The following PDSS2 variants were observed in gnomAD, a reference collection of about 807,000 sequenced individuals.
PDSS2 encodes the protein all trans-polyprenyl-diphosphate synthase PDSS2.
In PDSS2, 31 loss-of-function variants were observed where a neutral mutation model predicts 44.5. The ratio of observed to expected loss-of-function variants is 0.70; its 90% confidence interval spans 0.52 to 0.94. The LOEUF (loss-of-function observed/expected upper bound fraction) is 0.94. Among genes scored for constraint, PDSS2 ranks in the 40% least tolerant of loss-of-function variants. The pLI is 0.00. For missense variants in PDSS2, 452 were observed against 482.2 expected (o/e 0.94, Z 0.59); for synonymous variants, 157 against 180.3 (o/e 0.87, Z 1.03).
chr6:107,398,566 G>A (rs1780016099), intron 1 of PDSS2, among the ~76,000 whole-genome samples: 1 of 152,164 alleles, frequency 6.6e-6, no homozygotes, highest in Admixed American at 6.5e-5. Flanking sequence ...AAAAGTTTGA[G>A]AACCTAGCAA....
chr6:107,198,461 T>C (rs1402691633), intron 6 of PDSS2, among the ~76,000 whole-genome samples: 1 of 152,336 alleles, frequency 6.6e-6, no homozygotes, highest in East Asian at 1.9e-4. Context: ...TATGAAATCA[T>C]TTTACTCTTG....
At chr6:107,282,628 G>A (rs1244245820) in intron 2 of PDSS2, among the ~76,000 whole-genome samples, 2 of 151,792 alleles carry the variant, frequency 1.3e-5, no homozygotes, top group Non-Finnish European at 2.9e-5. Flanking sequence ...CACTTTGGGA[G>A]GCCGAGGCGG....
At chr6:107,254,586 T>C (rs770288181) in intron 3 of PDSS2, among the ~76,000 whole-genome samples, 7 of 152,218 alleles carry the variant, frequency 4.6e-5, no homozygotes, top group Non-Finnish European at 8.8e-5. Context: ...TGAAGTCTGT[T>C]GTACTCAGGA....
rs1424226779 is a variant in PDSS2 at position 107,152,969 on chromosome 6, T to G, written c.*1650A>C. 1.1e-4 allele frequency: 17 copies of G among 152,304 alleles called. No individual in the cohort carries two copies. Among genetic ancestry groups the G allele is most frequent in the African/African-American group, 4.1e-4 (17 of 41,456 alleles). The allele number at this position is 152,304 out of a possible 1,614,324, so 9.4% of individuals were successfully genotyped here. ...TAAGCTAAATCTATAGGCCTCAAAT[T>G]ATGGTGGCATAAACTGTACAATTAT... On this transcript the variant is annotated 3_prime_UTR_variant, in exon 8 of 8. Coordinates refer to ENST00000369037, the MANE Select transcript of PDSS2 (RefSeq NM_020381.4).
intron 1 of PDSS2, among the ~76,000 whole-genome samples, chr6:107,368,937 T>C (rs1000837993): frequency 2.0e-5 from 3 of 152,174 alleles, no homozygotes; most frequent in African/African-American, 7.2e-5. Flanking sequence ...GCTACAGTAA[T>C]TGAAGTAGTG....
At chr6:107,400,532 G>A (rs1447120620) in intron 1 of PDSS2, among the ~76,000 whole-genome samples, 1 of 152,168 alleles carries the variant, frequency 6.6e-6, no homozygotes, top group Non-Finnish European at 1.5e-5. Flanking sequence ...GCAACCTGAG[G>A]ATGAACTGTT....
chr6:107,258,781 C>T (rs979607748), intron 3 of PDSS2, among the ~76,000 whole-genome samples: 1 of 151,458 alleles, frequency 6.6e-6, no homozygotes, highest in African/African-American at 2.4e-5. Flanking sequence ...CCAGCCTGGG[C>T]AACAGTGAGA....
intron 2 of PDSS2, among the ~76,000 whole-genome samples, chr6:107,286,136 T>TAAAAAAAAAAAAAAA (rs1554262539): frequency 1.6e-5 from 2 of 128,740 alleles, no homozygotes; most frequent in African/African-American, 6.2e-5. Flanking sequence ...CGTCGCAAAA[T>TAAAAAAAAAAAAAAA]AAAAAAAAAA....
chr6:107,223,692 CA>C (rs1401115697), intron 4 of PDSS2, among the ~76,000 whole-genome samples: 10 of 151,204 alleles, frequency 6.6e-5, no homozygotes, highest in Non-Finnish European at 7.4e-5. Context: ...CTAGCTTGGG[CA>C]GCAGAGTAAA....
chr6:107,318,724 G>A (rs1582935485), intron 2 of PDSS2, among the ~76,000 whole-genome samples: 2 of 152,080 alleles, frequency 1.3e-5, no homozygotes, highest in African/African-American at 2.4e-5. Flanking sequence ...GGTGGCTCAC[G>A]CCTGTAATTC....
chr6:107,386,011 C>T (rs1482323101), intron 1 of PDSS2, among the ~76,000 whole-genome samples: 1 of 152,092 alleles, frequency 6.6e-6, no homozygotes, highest in African/African-American at 2.4e-5. Flanking sequence ...ACTTCATTAA[C>T]TATGTTAAAT....
chr6:107,195,184 T>C (rs1156416683), intron 6 of PDSS2, among the ~76,000 whole-genome samples: 2 of 151,784 alleles, frequency 1.3e-5, no homozygotes, highest in East Asian at 1.9e-4. Flanking sequence ...AAAAAGTTTA[T>C]AATATTGGTC....
chr6:107,239,402 T>C (rs1415481476), intron 4 of PDSS2, among the ~76,000 whole-genome samples: 3 of 152,194 alleles, frequency 2.0e-5, no homozygotes, highest in Admixed American at 2.0e-4. Context: ...TAAAATTATA[T>C]TTTTGAAGAC....
intron 1 of PDSS2, among the ~76,000 whole-genome samples, chr6:107,405,567 G>C (rs2058539848): frequency 6.6e-6 from 1 of 152,062 alleles, no homozygotes; most frequent in Admixed American, 6.6e-5. Context: ...AGATACAGAG[G>C]CCGGGCGCGG....
At chr6:107,360,124 A>G (rs1778723121) in intron 1 of PDSS2, among the ~76,000 whole-genome samples, 1 of 152,172 alleles carries the variant, frequency 6.6e-6, no homozygotes, top group Non-Finnish European at 1.5e-5. Flanking sequence ...CTCAAATTTC[A>G]CACTTTCCAA....
intron 1 of PDSS2, among the ~76,000 whole-genome samples, chr6:107,378,787 T>TA (rs1351093918): frequency 3.3e-5 from 5 of 152,012 alleles, no homozygotes; most frequent in African/African-American, 7.2e-5. Context: ...GTCTCAACAA[T>TA]AAAAAAATGT....
intron 7 of PDSS2, among the ~76,000 whole-genome samples, chr6:107,166,681 G>A (rs1459513971): frequency 3.9e-5 from 6 of 152,096 alleles, no homozygotes; most frequent in African/African-American, 1.4e-4. Context: ...AGAGTTTTTA[G>A]CATGAAGGCT....
At chr6:107,173,597 A>AAAAAAG (rs1771684674) in intron 7 of PDSS2, among the ~76,000 whole-genome samples, 2 of 148,680 alleles carry the variant, frequency 1.3e-5, no homozygotes, top group Non-Finnish European at 3.0e-5. Flanking sequence ...AAAAAAAAAA[A>AAAAAAG]CGCTTAGAAC....
chr6:107,264,334 C>G lies in PDSS2; in HGVS notation c.630+9695G>C, dbSNP rs1009913692. On this transcript the variant is annotated intron_variant, in intron 3 of 7. Transcript: ENST00000369037. ...ACAAAGTTAACATAAGGAAATACAT[C>G]AGCTATGTAAAGAGTACATCTGTGC... The G allele has an allele frequency of 6.8e-6, 10 of 1,465,500 alleles. No individual in the cohort carries two copies. In the Admixed American group the frequency reaches 7.9e-5, roughly 12 times the overall value. The allele number at this position is 1,465,500 out of a possible 1,614,324, so 90.8% of individuals were successfully genotyped here. A position where few individuals can be genotyped will look rare whatever the true frequency, so the allele number is the denominator to read the frequency against.
Sources: gnomAD v4.1 joint callset for allele counts (sites outside exome capture counted in the v4.1 genomes callset) on GRCh38, gnomAD v4.1.1 for gene constraint, MANE v1.5 for transcripts, NCBI Gene and HGNC (gene_info 2026-07-23, HGNC 2026-07-21) for gene names.